The following VEPH1 variants were observed in gnomAD, a reference collection of about 807,000 sequenced individuals.
VEPH1 encodes the protein ventricular zone-expressed PH domain-containing protein homolog 1.
VEPH1 carries 80 observed loss-of-function variants against 85.2 expected under a neutral mutation model. The ratio of observed to expected loss-of-function variants is 0.94; its 90% CI spans 0.78 to 1.13. The LOEUF (loss-of-function observed/expected upper bound fraction) is 1.13. VEPH1 is among the 50% of genes most tolerant of loss of function. VEPH1 has a pLI of 0.00. For missense variants in VEPH1, 955 were observed against 980.5 expected, an observed-to-expected ratio of 0.97 and a Z score of 0.35; for synonymous variants, 297 against 348.0, an observed-to-expected ratio of 0.85 and a Z score of 1.63.
chr3:157,482,535 T>C (rs916849019), intron 2 of VEPH1, among the ~76,000 whole-genome samples: 2 of 152,158 alleles, frequency 1.3e-5, no homozygotes, highest in Non-Finnish European at 2.9e-5. Context: ...ATGTTGATAG[T>C]TTGATAGGAA....
At chr3:157,352,280 G>T (rs1203588300) in intron 9 of VEPH1, among the ~76,000 whole-genome samples, 1 of 152,086 alleles carries the variant, frequency 6.6e-6, no homozygotes, top group Non-Finnish European at 1.5e-5. Flanking sequence ...TCAACTACTG[G>T]ATTCATTTTC....
chr3:157,438,069 A>ACACACACACACACACACACACC (rs1237245016), intron 4 of VEPH1, among the ~76,000 whole-genome samples: 2 of 149,562 alleles, frequency 1.3e-5, no homozygotes, highest in African/African-American at 5.0e-5. Flanking sequence ...ACACACACAC[A>ACACACACACACACACACACACC]CACCCCTATT....
chr3:157,315,203 A>AT (rs1327994733), intron 10 of VEPH1, among the ~76,000 whole-genome samples: 1 of 152,072 alleles, frequency 6.6e-6, no homozygotes, highest in African/African-American at 2.4e-5. Context: ...ATGAAGATTA[A>AT]TAAATACTAT....
At chr3:157,291,931 C>G (rs572592916) in intron 11 of VEPH1, among the ~76,000 whole-genome samples, 1 of 152,232 alleles carries the variant, frequency 6.6e-6, no homozygotes, top group Admixed American at 6.5e-5. Flanking sequence ...TTAAAAAAAT[C>G]TATCTCTCTC....
intron 2 of VEPH1, among the ~76,000 whole-genome samples, chr3:157,484,050 A>G (rs1486687225): frequency 6.6e-6 from 1 of 152,214 alleles, no homozygotes; most frequent in African/African-American, 2.4e-5. Flanking sequence ...TAGTGAAACC[A>G]TAGAACACCA....
chr3:157,345,034 G>A (rs189162407), intron 9 of VEPH1, among the ~76,000 whole-genome samples: 1 of 152,270 alleles, frequency 6.6e-6, no homozygotes, highest in African/African-American at 2.4e-5. Flanking sequence ...ATTCAAGATG[G>A]ATTAAAGATT....
At chr3:157,454,633 G>A (rs1235186027) in intron 4 of VEPH1, among the ~76,000 whole-genome samples, 3 of 152,082 alleles carry the variant, frequency 2.0e-5, no homozygotes, top group African/African-American at 7.2e-5. Context: ...AGAGTCAAGG[G>A]TACATGTGCA....
intron 12 of VEPH1, among the ~76,000 whole-genome samples, chr3:157,278,610 T>C (rs1577220699): frequency 6.6e-6 from 1 of 152,150 alleles, no homozygotes; most frequent in Admixed American, 6.5e-5. Context: ...ATTGGAAGGG[T>C]TCAGAGTAGT....
chr3:157,421,064 C>A (rs1732296834), intron 5 of VEPH1, among the ~76,000 whole-genome samples: 1 of 152,158 alleles, frequency 6.6e-6, no homozygotes, highest in South Asian at 2.1e-4. Context: ...TAGCCAGGAA[C>A]TGCCTCCTTC....
chr3:157,261,111 T>C lies in VEPH1; in HGVS notation c.*23A>G, dbSNP rs1463035832. Reference sequence around the variant, plus strand: ...TAATACAATGCCTGTGGTGTATAATTGTCATGGCTGACTTATAAATCCCTA... The same window carrying C: ...TAATACAATGCCTGTGGTGTATAATCGTCATGGCTGACTTATAAATCCCTA... On this transcript the variant is annotated 3_prime_UTR_variant, in exon 14 of 14. Transcript: ENST00000362010. The C allele has an allele frequency of 6.2e-7, 1 of 1,600,396 alleles. No homozygotes were observed. The highest frequency in any genetic ancestry group is 2.3e-5 in the East Asian group (1 of 44,026).
At chr3:157,437,369 C>A in intron 4 of VEPH1, 1 of 1,002,090 alleles carries the variant, frequency 1.0e-6, no homozygotes, top group Non-Finnish European at 1.5e-6. Context: ...CATTTACATG[C>A]TGTTTTTCGG....
chr3:157,369,187 A>AAAAAAAAAAAAAAAAG (rs1727152453), intron 7 of VEPH1, among the ~76,000 whole-genome samples: 1 of 142,070 alleles, frequency 7.0e-6, no homozygotes, highest in Non-Finnish European at 1.5e-5. Context: ...AATGAAAAAA[A>AAAAAAAAAAAAAAAAG]AAAAAAAAAA....
At chr3:157,394,153 G>A (rs1730148793) in intron 6 of VEPH1, among the ~76,000 whole-genome samples, 1 of 152,200 alleles carries the variant, frequency 6.6e-6, no homozygotes, top group Non-Finnish European at 1.5e-5. Context: ...ATGGGTAAGG[G>A]ACTAGCAAGG....
At chr3:157,496,592 T>C (rs1739683941) in intron 1 of VEPH1, among the ~76,000 whole-genome samples, 1 of 152,204 alleles carries the variant, frequency 6.6e-6, no homozygotes, top group Non-Finnish European at 1.5e-5. Context: ...CATTTCTACC[T>C]AGCATTTTAC....
intron 11 of VEPH1, 83 bp downstream of exon 11, chr3:157,313,538 T>G: frequency 6.8e-7 from 1 of 1,479,918 alleles, no homozygotes; most frequent in Non-Finnish European, 9.1e-7. Context: ...AAGGATGAAA[T>G]TTAATTGCTA....
chr3:157,415,122 C>T (rs889748141), intron 5 of VEPH1: 6 of 152,156 alleles, frequency 3.9e-5, no homozygotes, highest in Non-Finnish European at 8.8e-5. Context: ...ACTGTTTCTC[C>T]CTTACCAGCA....
chr3:157,435,954 C>G (rs1405803137), intron 4 of VEPH1, among the ~76,000 whole-genome samples: 2 of 151,992 alleles, frequency 1.3e-5, no homozygotes, highest in Non-Finnish European at 2.9e-5. Context: ...CTTTTTTTCC[C>G]CATTCTAGGT....
chr3:157,414,471 T>C (rs1731745378), intron 5 of VEPH1, among the ~76,000 whole-genome samples: 1 of 152,180 alleles, frequency 6.6e-6, no homozygotes, highest in Non-Finnish European at 1.5e-5. Flanking sequence ...AGGAGATCTT[T>C]GTTGACTTTA....
chr3:157,478,979 G>C (rs1171404868), intron 2 of VEPH1, among the ~76,000 whole-genome samples: 3 of 152,036 alleles, frequency 2.0e-5, no homozygotes, highest in African/African-American at 2.4e-5. Flanking sequence ...CAAAAAGGGG[G>C]AAAACCTGAA....
Sources: allele counts gnomAD v4.1 joint callset (sites outside exome capture counted in the v4.1 genomes callset), GRCh38; gene constraint gnomAD v4.1.1; transcripts MANE v1.5; gene names NCBI Gene and HGNC (gene_info 2026-07-23, HGNC 2026-07-21).